GLB1: variants seen among roughly 807,000 people sequenced by gnomAD.
GLB1 encodes the protein galactosidase beta 1.
A neutral mutation model predicts 74.0 loss-of-function variants in GLB1; 56 were observed. The ratio of observed to expected loss-of-function variants is 0.76; its 90% confidence interval spans 0.61 to 0.94. The LOEUF is 0.94. GLB1 is among the 40% of genes least tolerant of loss of function. The pLI, the probability that GLB1 is intolerant of heterozygous loss-of-function variation, is 0.00. For missense variants in GLB1, 787 were observed against 845.5 expected, an observed-to-expected ratio of 0.93 and a Z score of 0.86; for synonymous variants, 323 against 323.6, an observed-to-expected ratio of 1.00 and a Z score of 0.02.
In GLB1 at chr3:33,065,757, CG is replaced by C; in HGVS notation, c.458-201del. On this transcript the variant is annotated intron_variant, in intron 4 of 15. Transcript: ENST00000307363. ...CTGAGGCAGGCAGATCACCAGATGT[CG>C]GGAGTTCGAGACCAGCCTGACCAAC... Among the ~76,000 whole-genome samples, 8 of 152,258 alleles carry C rather than the reference CG, an allele frequency of 5.3e-5. 1 individual carries two copies. In the South Asian group the frequency reaches 1.7e-3, roughly 32 times the overall value.
At chr3:32,999,216 T>C (rs1209157217) in intron 15 of GLB1, among the ~76,000 whole-genome samples, 1 of 152,224 alleles carries the variant, frequency 6.6e-6, no homozygotes, top group Non-Finnish European at 1.5e-5. Flanking sequence ...TACCCTGGGA[T>C]ATGTTATCTC....
the GLB1 span, among the ~76,000 whole-genome samples, chr3:32,986,209 C>A: frequency 6.6e-6 from 1 of 152,208 alleles, no homozygotes; most frequent in Non-Finnish European, 1.5e-5. Context: ...GTTTGGAGAC[C>A]TGTAGCAGAT....
At chr3:33,048,339 A>G (rs1293308285) in intron 9 of GLB1, among the ~76,000 whole-genome samples, 2 of 152,220 alleles carry the variant, frequency 1.3e-5, no homozygotes, top group Non-Finnish European at 2.9e-5. Context: ...CATCGCAGAG[A>G]AATGGTGCAG....
chr3:33,097,101 G>C lies in GLB1; in HGVS notation c.-16C>G, dbSNP rs1309547608. On this transcript the variant is annotated 5_prime_UTR_variant, in exon 1 of 16. Coordinates refer to ENST00000307363, the MANE Select transcript of GLB1 (RefSeq NM_000404.4). ...ACCCCGGCATGACCACCAGCCTCCC[G>C]GCTCTGCAGTCGGCGCCCAGGCCGG... 1.9e-6 allele frequency: 3 copies of C among 1,611,634 alleles called. No individual in the cohort carries two copies. The highest frequency in any genetic ancestry group is 1.7e-6 in the Non-Finnish European group (2 of 1,178,758).
chr3:33,042,370 C>CTTTTTTTTTTTTTTTTTTTTTT (rs66685286), intron 10 of GLB1, among the ~76,000 whole-genome samples: 1 of 99,240 alleles, frequency 1.0e-5, no homozygotes, highest in Non-Finnish European at 2.0e-5. Flanking sequence ...TCATCTCCTC[C>CTTTTTTTTTTTTTTTTTTTTTT]TTTTTTTTTT....
chr3:33,013,316 C>G (rs1329042390), intron 15 of GLB1, among the ~76,000 whole-genome samples: 1 of 152,210 alleles, frequency 6.6e-6, no homozygotes, highest in East Asian at 1.9e-4. Flanking sequence ...TAGCATCCAT[C>G]ACAGCTATGG....
chr3:33,021,967 C>T (rs1296340600), intron 11 of GLB1, among the ~76,000 whole-genome samples: 1 of 152,150 alleles, frequency 6.6e-6, no homozygotes, highest in Non-Finnish European at 1.5e-5. Flanking sequence ...TCAGATGCTG[C>T]CTCCTTATAA....
At chr3:33,059,005 T>G (rs1012364188) in intron 5 of GLB1, among the ~76,000 whole-genome samples, 3 of 152,312 alleles carry the variant, frequency 2.0e-5, no homozygotes, top group South Asian at 2.1e-4. Flanking sequence ...GAGGTTGTCA[T>G]ACCTCGGCAG....
chr3:32,999,749 C>G (rs1253843061), intron 15 of GLB1, among the ~76,000 whole-genome samples: 1 of 152,120 alleles, frequency 6.6e-6, no homozygotes, highest in Non-Finnish European at 1.5e-5. Flanking sequence ...CTCCCAAGTT[C>G]AAGAGCTTCT....
chr3:32,978,760 TC>T, the GLB1 span, among the ~76,000 whole-genome samples: 4 of 81,470 alleles, frequency 4.9e-5, no homozygotes, highest in African/African-American at 1.3e-4. Flanking sequence ...TTTCTTTCTT[TC>T]TTTCTTTTTT....
At chr3:33,024,167 C>A in intron 11 of GLB1, 84 bp downstream of exon 11, 2 of 1,429,146 alleles carry the variant, frequency 1.4e-6, no homozygotes, top group Non-Finnish European at 1.9e-6. Flanking sequence ...TCCTCCAGCA[C>A]AGCACTTTCA....
intron 1 of GLB1, among the ~76,000 whole-genome samples, chr3:33,074,827 C>T (rs1403855578): frequency 6.6e-6 from 1 of 152,132 alleles, no homozygotes; most frequent in East Asian, 1.9e-4. Context: ...GGGGGTTGCC[C>T]TTGAAGCTGT....
At chr3:33,002,959 A>G (rs1433214260) in intron 15 of GLB1, among the ~76,000 whole-genome samples, 1 of 152,160 alleles carries the variant, frequency 6.6e-6, no homozygotes, top group Non-Finnish European at 1.5e-5. Context: ...AATTGAAAAG[A>G]AAAAAAGGTA....
Position 33,093,599 on chromosome 3 carries a change from C to A in GLB1, c.75+3412G>T. ...TGAGGTTGTTCATTGAGGCAGGCAG[C>A]TGATGGATGGGCACCTCCACAGTTT... On this transcript the variant is annotated intron_variant, in intron 1 of 15. Coordinates refer to ENST00000307363, the MANE Select transcript of GLB1 (RefSeq NM_000404.4). The surrounding 1 kb of genome is among the most constrained non-coding windows in gnomAD (Gnocchi z 6.0). The A allele has an allele frequency of 6.2e-7, 1 of 1,614,156 alleles. No homozygotes were observed. The highest frequency in any genetic ancestry group is 8.5e-7 in the Non-Finnish European group (1 of 1,180,004).
rs375586820 is a variant in GLB1 at position 33,093,643 on chromosome 3, C to T, written c.75+3368G>A. ...ACAGTTTTCACAGCCGGGGGCTGCGCGGCATTCAGAATCCCGGCCACGCTG... is the reference window on the plus strand; with the variant it reads ...ACAGTTTTCACAGCCGGGGGCTGCGTGGCATTCAGAATCCCGGCCACGCTG... On this transcript the variant is annotated intron_variant, in intron 1 of 15. Transcript: ENST00000307363. This position sits in a 1 kb window ranked among gnomAD's most constrained non-coding sequence, Gnocchi z 6.0. The T allele has an allele frequency of 5.1e-5, 83 of 1,614,050 alleles. No individual in the cohort carries two copies. The highest frequency in any genetic ancestry group is 5.6e-5 in the Non-Finnish European group (66 of 1,180,040).
intron 1 of GLB1, among the ~76,000 whole-genome samples, chr3:33,079,603 T>A (rs4428129): frequency 6.6e-6 from 1 of 152,018 alleles, no homozygotes; most frequent in Non-Finnish European, 1.5e-5. Context: ...TAAAATGAAT[T>A]ATGGTTTATA....
Position 33,085,722 on chromosome 3 carries a change from C to T in GLB1, c.75+11289G>A, listed in dbSNP as rs144584680. 2.5e-3 allele frequency among the ~76,000 whole-genome samples: 382 copies of T among 152,002 alleles called. 3 individuals are homozygous for T. Among genetic ancestry groups the T allele is most frequent in the Non-Finnish European group, 1.7e-3 (114 of 67,952 alleles). Reference sequence around the variant, plus strand: ...AAAAAAAACAAAACTATTAGGGTCTCATCAAAATGACAAGATGACAGGGCT... The same window carrying T: ...AAAAAAAACAAAACTATTAGGGTCTTATCAAAATGACAAGATGACAGGGCT... On this transcript the variant is annotated intron_variant, in intron 1 of 15. Coordinates refer to ENST00000307363, the MANE Select transcript of GLB1 (RefSeq NM_000404.4).
intron 15 of GLB1, among the ~76,000 whole-genome samples, chr3:33,008,036 C>T (rs150909354): frequency 1.2e-4 from 18 of 152,254 alleles, no homozygotes; most frequent in Admixed American, 3.3e-4. Context: ...TTGATGGCTA[C>T]GGAGATAGTG....
At chr3:33,028,916 C>A (rs1697890707) in intron 10 of GLB1, among the ~76,000 whole-genome samples, 1 of 152,140 alleles carries the variant, frequency 6.6e-6, no homozygotes, top group Non-Finnish European at 1.5e-5. Context: ...ATCCGCCCGC[C>A]TCGGCCTAAG....
Sources: allele counts gnomAD v4.1 joint callset (sites outside exome capture counted in the v4.1 genomes callset), GRCh38; gene constraint gnomAD v4.1.1; non-coding constraint Gnocchi (gnomAD v3.1); transcripts MANE v1.5; gene names NCBI Gene and HGNC (gene_info 2026-07-23, HGNC 2026-07-21).